NLGN1: variants seen among roughly 807,000 people sequenced by gnomAD.
NLGN1 encodes the protein neuroligin 1.
A neutral mutation model predicts 65.5 loss-of-function variants in NLGN1; 12 were observed. The observed-to-expected ratio is 0.18, with a 90% CI of 0.12 to 0.30. The LOEUF is 0.30. NLGN1 is among the 10% of genes least tolerant of loss of function. The pLI is 1.00. For synonymous variants in NLGN1, 350 were observed against 359.5 expected, an observed-to-expected ratio of 0.97 and a Z score of 0.30; for missense variants, 750 against 1,007.1, an observed-to-expected ratio of 0.74 and a Z score of 3.46.
In NLGN1 at chr3:174,280,616, A is replaced by G; in HGVS notation, c.1785A>G (p.Lys595=). 6.2e-7 allele frequency: 1 copy of G among 1,613,314 alleles called. No individual in the cohort carries two copies. The highest frequency in any genetic ancestry group is 1.3e-5 in the African/African-American group (1 of 74,948). Residue 595 remains lysine, a synonymous_variant, in exon 7 of 7, where the codon AAA becomes AAG. Transcript: ENST00000457714. This position sits in a 1 kb window ranked among gnomAD's most constrained non-coding sequence, Gnocchi z 4.9. ...ATATTGGATTAAAACCAAGAGTTAAAGAACATTACAGAGCCAATAAGGTGA... is the reference window on the plus strand; with the variant it reads ...ATATTGGATTAAAACCAAGAGTTAAGGAACATTACAGAGCCAATAAGGTGA...
chr3:173,807,030 A>T (rs2150444042), intron 3 of NLGN1, among the ~76,000 whole-genome samples: 1 of 152,280 alleles, frequency 6.6e-6, no homozygotes, highest in South Asian at 2.1e-4. Context: ...TGAATTTCCT[A>T]AAAAATATCA....
At position 173,424,634 on chromosome 3, in the gene NLGN1, G is replaced by A. The variant is rs555707492; in HGVS notation, c.-389-10376G>A. ...ATGTCTAGGGCAGGGGCAAAATACC[G>A]CCAGTCTCTTTGCTAAAGCATAGCA... On this transcript the variant is annotated intron_variant, in intron 1 of 6. Coordinates refer to ENST00000457714, the Ensembl canonical transcript of NLGN1. 8.5e-5 allele frequency among the ~76,000 whole-genome samples: 13 copies of A among 152,264 alleles called. No individual in the cohort carries two copies. In the South Asian group the frequency reaches 1.4e-3, roughly 17 times the overall value.
chr3:174,137,886 A>G (rs1270696394), intron 4 of NLGN1, among the ~76,000 whole-genome samples: 1 of 152,206 alleles, frequency 6.6e-6, no homozygotes, highest in Non-Finnish European at 1.5e-5. Context: ...TTATTTGCAC[A>G]TATGGTGCCT....
rs539154826 is a variant in NLGN1, at chr3:174,096,548, T to C, written c.647-178767T>C. ...GATAGAAGGTCGGTTTGAAAATGGA[T>C]AACTTTTAAATGGGAAAGTCCCCAC... On this transcript the variant is annotated intron_variant, in intron 4 of 6. Transcript: ENST00000457714. Among the ~76,000 whole-genome samples the C allele has an allele frequency of 3.3e-5, 5 of 152,216 alleles. No homozygotes were observed. The East Asian group carries it at 9.6e-4, about 29-fold the overall frequency.
intron 2 of NLGN1, among the ~76,000 whole-genome samples, chr3:173,482,560 A>T (rs1576904610): frequency 6.6e-6 from 1 of 151,960 alleles, no homozygotes; most frequent in African/African-American, 2.4e-5. Context: ...ATTTCAATTT[A>T]AAAATTTGCT....
intron 4 of NLGN1, among the ~76,000 whole-genome samples, chr3:174,207,544 T>C (rs923448594): frequency 6.6e-6 from 1 of 152,238 alleles, no homozygotes; most frequent in Non-Finnish European, 1.5e-5. Context: ...GTGAACTGAA[T>C]GGACTTTATG....
At position 174,116,330 on chromosome 3, in the gene NLGN1, C is replaced by CTTTTTTTTTTTTTTTTTTT. The variant is rs1168837585; in HGVS notation, c.647-158976_647-158958dup. On this transcript the variant is annotated intron_variant, in intron 4 of 6. Coordinates refer to ENST00000457714, the Ensembl canonical transcript of NLGN1. Reference sequence around the variant, plus strand: ...ACATGTAAGTTTTTTTCTGGGTTTTCTTTTTTTTTTTTTTTTTTTTTTTTT... The same window carrying CTTTTTTTTTTTTTTTTTTT: ...ACATGTAAGTTTTTTTCTGGGTTTTCTTTTTTTTTTTTTTTTTTTTTTTTTTTTTTTTTTTTTTTTTTTT... Among the ~76,000 whole-genome samples, 34 of 69,634 alleles carry CTTTTTTTTTTTTTTTTTTT rather than the reference C, an allele frequency of 4.9e-4. 16 individuals carry two copies. The highest frequency in any genetic ancestry group is 3.9e-4 in the African/African-American group (8 of 20,740). The allele number at this position is 69,634 out of a possible 152,430, so 45.7% of individuals were successfully genotyped here.
chr3:173,526,242 G>A (rs531827136), intron 2 of NLGN1, among the ~76,000 whole-genome samples: 9 of 151,854 alleles, frequency 5.9e-5, no homozygotes, highest in Admixed American at 2.0e-4. Context: ...TGTAAACCTC[G>A]GTACTCCTAC....
At position 173,963,007 on chromosome 3, in the gene NLGN1, A is replaced by G. The variant is rs535501085; in HGVS notation, c.646+155175A>G. ...TAGTTGTAGTTATGGTCGAGTTGCA[A>G]TTTATGGAACCTCATAATCTTACTA... On this transcript the variant is annotated intron_variant, in intron 4 of 6. Transcript: ENST00000457714. 2.0e-5 allele frequency among the ~76,000 whole-genome samples: 3 copies of G among 152,272 alleles called. No homozygotes were observed. The South Asian group carries it at 6.2e-4, about 32-fold the overall frequency.
At chr3:174,271,244 C>G (rs539049730) in intron 4 of NLGN1, among the ~76,000 whole-genome samples, 1 of 151,764 alleles carries the variant, frequency 6.6e-6, no homozygotes, top group African/African-American at 2.4e-5. Flanking sequence ...AGTACAGAAT[C>G]ACTGTCATCT....
At chr3:173,647,297 TC>T (rs1449924290) in intron 3 of NLGN1, among the ~76,000 whole-genome samples, 2 of 152,180 alleles carry the variant, frequency 1.3e-5, no homozygotes, top group African/African-American at 4.8e-5. Context: ...AGACAGAAGA[TC>T]AATAAGAATA....
chr3:174,290,597 GATA>G (rs1340721525), downstream of NLGN1, among the ~76,000 whole-genome samples: 1 of 150,798 alleles, frequency 6.6e-6, no homozygotes, highest in Non-Finnish European at 1.5e-5. Context: ...TAATACATCA[GATA>G]ATGAGTTTTT....
intron 3 of NLGN1, among the ~76,000 whole-genome samples, chr3:173,738,302 A>G (rs563473344): frequency 1.3e-4 from 19 of 151,962 alleles, no homozygotes; most frequent in African/African-American, 4.6e-4. Flanking sequence ...TTTTGGTGTC[A>G]TGTTTAAAAA....
chr3:173,862,233 A>C (rs1364437281), intron 4 of NLGN1, among the ~76,000 whole-genome samples: 6 of 152,166 alleles, frequency 3.9e-5, no homozygotes, highest in African/African-American at 1.4e-4. Flanking sequence ...CAATATATTA[A>C]TAAAGAAAAT....
At chr3:173,864,486 C>G (rs1429385327) in intron 4 of NLGN1, among the ~76,000 whole-genome samples, 2 of 152,254 alleles carry the variant, frequency 1.3e-5, no homozygotes, top group East Asian at 3.9e-4. Context: ...TAAGTGGGAT[C>G]ATTTAGCTTT....
chr3:173,412,724 CA>C (rs927476809), intron 1 of NLGN1, among the ~76,000 whole-genome samples: 1 of 151,952 alleles, frequency 6.6e-6, no homozygotes, highest in Admixed American at 6.6e-5. Flanking sequence ...TGAACAACCA[CA>C]AAAAAAGCCG....
chr3:174,237,451 C>T (rs7620058), intron 4 of NLGN1, among the ~76,000 whole-genome samples: 5 of 152,038 alleles, frequency 3.3e-5, no homozygotes, highest in African/African-American at 7.2e-5. Flanking sequence ...CAGTCAGCTG[C>T]AATTCACCTT....
At chr3:173,792,347 G>C (rs987207460) in intron 3 of NLGN1, among the ~76,000 whole-genome samples, 16 of 152,014 alleles carry the variant, frequency 1.1e-4, no homozygotes, top group African/African-American at 3.6e-4. Flanking sequence ...AAAAAGTTAA[G>C]GTATTTTTAT....
Position 173,456,582 on chromosome 3 carries a change from A to T in NLGN1, c.-321+21504A>T, listed in dbSNP as rs537482793. Reference sequence around the variant, plus strand: ...ATTGTAGCTATAGTATCTGTCAAAGACCAATTAGCACATTCAGGAGTTCAA... The same window carrying T: ...ATTGTAGCTATAGTATCTGTCAAAGTCCAATTAGCACATTCAGGAGTTCAA... On this transcript the variant is annotated intron_variant, in intron 2 of 6. Transcript: ENST00000457714. Among the ~76,000 whole-genome samples, 3 of 152,316 alleles carry T rather than the reference A, an allele frequency of 2.0e-5. No individual in the cohort carries two copies. In the South Asian group the frequency reaches 6.2e-4, roughly 32 times the overall value.
Sources: allele counts gnomAD v4.1 joint callset (sites outside exome capture counted in the v4.1 genomes callset), GRCh38; gene constraint gnomAD v4.1.1; non-coding constraint Gnocchi (gnomAD v3.1); transcripts MANE v1.5; gene names NCBI Gene and HGNC (gene_info 2026-07-23, HGNC 2026-07-21).